CGNL1: variants seen among roughly 807,000 people sequenced by gnomAD.
CGNL1 encodes cingulin-like protein 1.
In CGNL1, 132 loss-of-function variants were observed where a neutral mutation model predicts 141.2. The ratio of observed to expected loss-of-function variants is 0.93; its 90% CI spans 0.81 to 1.08. The LOEUF (loss-of-function observed/expected upper bound fraction) is 1.08. Ranked by LOEUF, CGNL1 falls within the 50% of genes least tolerant of loss-of-function variation. The probability of loss-of-function intolerance (pLI) is 0.00; values close to 1 mark genes in which losing one functional copy is unlikely to be tolerated. For missense variants in CGNL1, 1,870 were observed against 1,588.6 expected, an observed-to-expected ratio of 1.18 and a Z score of -3.01; for synonymous variants, 690 against 622.1, an observed-to-expected ratio of 1.11 and a Z score of -1.63.
At chr15:57,513,586 T>C (rs534688648) in intron 8 of CGNL1, among the ~76,000 whole-genome samples, 1 of 152,222 alleles carries the variant, frequency 6.6e-6, no homozygotes, top group Non-Finnish European at 1.5e-5. Flanking sequence ...AATGGTGTGA[T>C]CTTGGCTCAC....
At chr15:57,518,300 A>G (rs1207964570) in intron 9 of CGNL1, 93 bp from the exon 10 acceptor site, 10 of 896,992 alleles carry the variant, frequency 1.1e-5, no homozygotes, top group Middle Eastern at 2.1e-4. Context: ...TGCCATATCT[A>G]TGGGTGTCTT....
intron 7 of CGNL1, among the ~76,000 whole-genome samples, chr15:57,457,726 T>C (rs1372984840): frequency 3.9e-5 from 6 of 152,128 alleles, no homozygotes; most frequent in African/African-American, 1.4e-4. Flanking sequence ...TGAGACTTAC[T>C]CACTACCACA....
intron 8 of CGNL1, among the ~76,000 whole-genome samples, chr15:57,477,888 A>G (rs1158791899): frequency 1.3e-5 from 2 of 152,146 alleles, no homozygotes; most frequent in African/African-American, 4.8e-5. Flanking sequence ...AACTGGAGAG[A>G]AAACGTGGCT....
At chr15:57,498,377 G>T (rs1183317457) in intron 8 of CGNL1, among the ~76,000 whole-genome samples, 2 of 150,016 alleles carry the variant, frequency 1.3e-5, no homozygotes, top group African/African-American at 4.9e-5. Flanking sequence ...AGCCTCTCAA[G>T]GAGCTTTTGT....
chr15:57,445,862 G>GGAA (rs1354711415), intron 4 of CGNL1, among the ~76,000 whole-genome samples: 2 of 152,002 alleles, frequency 1.3e-5, no homozygotes, highest in African/African-American at 2.4e-5. Flanking sequence ...TTATTTTCAT[G>GGAA]GAAGAAGAAG....
chr15:57,511,093 A>G (rs1321905390), intron 8 of CGNL1, among the ~76,000 whole-genome samples: 1 of 152,208 alleles, frequency 6.6e-6, no homozygotes. Flanking sequence ...ATGGTAATAC[A>G]TGTTGAATTT....
chr15:57,530,008 T>C (rs953124961), intron 13 of CGNL1, among the ~76,000 whole-genome samples: 13 of 152,246 alleles, frequency 8.5e-5, no homozygotes, highest in Non-Finnish European at 1.2e-4. Flanking sequence ...TAAGGCAAGC[T>C]AAGGTCAACC....
intron 1 of CGNL1, among the ~76,000 whole-genome samples, chr15:57,433,051 T>G (rs752370124): frequency 1.3e-5 from 2 of 150,522 alleles, no homozygotes; most frequent in Admixed American, 1.3e-4. Flanking sequence ...AAGAACTGAT[T>G]TTTCTTACAA....
intron 4 of CGNL1, among the ~76,000 whole-genome samples, chr15:57,450,494 C>A (rs533211734): frequency 1.3e-5 from 2 of 152,338 alleles, no homozygotes; most frequent in Non-Finnish European, 2.9e-5. Flanking sequence ...CCAGGCTGGT[C>A]TCAGACTCCT....
chr15:57,461,697 A>G lies in CGNL1; in HGVS notation c.2208A>G (p.Lys736=). ...CTCTCTAGGAGCTCTTACAGGCAAA[A>G]CAGGATCTTCAAGATCTGCTGATTG... ...GALIEELLQA[K]QDLQDLLIAK... is the part of the protein sequence containing the mutation. Residue 736 remains lysine (K), a synonymous_variant, in exon 8 of 19, where the codon AAA becomes AAG. Transcript: ENST00000281282. 1.9e-6 allele frequency: 3 copies of G among 1,614,074 alleles called. No individual in the cohort carries two copies. Among genetic ancestry groups the G allele is most frequent in the Non-Finnish European group, 2.5e-6 (3 of 1,179,970 alleles).
At chr15:57,495,413 T>G (rs1417402224) in intron 8 of CGNL1, among the ~76,000 whole-genome samples, 1 of 152,210 alleles carries the variant, frequency 6.6e-6, no homozygotes, top group Non-Finnish European at 1.5e-5. Flanking sequence ...GCCTCCCTTC[T>G]GTGTCAAGTA....
intron 1 of CGNL1, among the ~76,000 whole-genome samples, chr15:57,411,531 C>T (rs1251912899): frequency 4.6e-5 from 7 of 151,594 alleles, no homozygotes; most frequent in African/African-American, 1.7e-4. Context: ...GCAACCTCCA[C>T]CTACCAGGTT....
intron 8 of CGNL1, among the ~76,000 whole-genome samples, chr15:57,465,049 G>C (rs1463421445): frequency 6.6e-6 from 1 of 152,056 alleles, no homozygotes; most frequent in Non-Finnish European, 1.5e-5. Flanking sequence ...ACTGTGCGCG[G>C]CTTCCTTGCA....
chr15:57,377,822 G>C (rs920351470), intron 1 of CGNL1, among the ~76,000 whole-genome samples: 1 of 152,106 alleles, frequency 6.6e-6, no homozygotes, highest in South Asian at 2.1e-4. Flanking sequence ...TGTCATATTC[G>C]GGAATGATTT....
chr15:57,495,935 C>T (rs1296638758), intron 8 of CGNL1, among the ~76,000 whole-genome samples: 2 of 152,008 alleles, frequency 1.3e-5, no homozygotes, highest in Non-Finnish European at 2.9e-5. Context: ...AAAATGAAAG[C>T]ATATTTCCAG....
intron 8 of CGNL1, among the ~76,000 whole-genome samples, chr15:57,481,525 C>A (rs955179272): frequency 1.5e-4 from 23 of 152,238 alleles, no homozygotes; most frequent in African/African-American, 5.5e-4. Context: ...CAGGTTCTTT[C>A]CTTTTTATTG....
chr15:57,519,544 C>T (rs577679303), intron 10 of CGNL1, among the ~76,000 whole-genome samples: 3 of 152,244 alleles, frequency 2.0e-5, no homozygotes, highest in South Asian at 2.1e-4. Flanking sequence ...CTCGTGTTTG[C>T]GTATAGTAAA....
intron 1 of CGNL1, among the ~76,000 whole-genome samples, chr15:57,416,324 G>T (rs2062849198): frequency 6.6e-6 from 1 of 151,716 alleles, no homozygotes; most frequent in Non-Finnish European, 1.5e-5. Context: ...CTTGCCCAAA[G>T]TCTCACTGCT....
At chr15:57,383,297 T>TTTTTTTTTTTTTG (rs1168896726) in intron 1 of CGNL1, among the ~76,000 whole-genome samples, 1 of 135,344 alleles carries the variant, frequency 7.4e-6, no homozygotes, top group African/African-American at 2.9e-5. Flanking sequence ...TCTTCCTTTT[T>TTTTTTTTTTTTTG]TTTTTTTTGT....
Sources: gnomAD v4.1 joint callset for allele counts (sites outside exome capture counted in the v4.1 genomes callset) on GRCh38, gnomAD v4.1.1 for gene constraint, MANE v1.5 for transcripts, NCBI Gene and HGNC (gene_info 2026-07-23, HGNC 2026-07-21) for gene names.